RFC3: variants seen among roughly 807,000 people sequenced by gnomAD.
The protein encoded by RFC3 is replication factor C subunit 3.
A neutral mutation model predicts 45.1 loss-of-function variants in RFC3; 41 were observed. The observed-to-expected ratio is 0.91, with a 90% CI of 0.71 to 1.18. RFC3 has a LOEUF of 1.18. RFC3 is among the 50% of genes most tolerant of loss of function. The pLI is 0.00. For synonymous variants in RFC3, 149 were observed against 144.0 expected (o/e 1.03, Z -0.25); for missense variants, 423 against 428.1 (o/e 0.99, Z 0.10).
chr13:33,836,780 G>A lies in RFC3; in HGVS notation c.*485G>A, dbSNP rs2139430003. On this transcript the variant is annotated 3_prime_UTR_variant, in exon 9 of 9. Transcript: ENST00000380071. Reference sequence around the variant, plus strand: ...GATTTCATTCTGAAACATAATTATTGGTATGGACAAAATTGCAGATACCAT... The same window carrying A: ...GATTTCATTCTGAAACATAATTATTAGTATGGACAAAATTGCAGATACCAT... 3.0e-5 allele frequency: 30 copies of A among 985,642 alleles called. No homozygotes were observed. The highest frequency in any genetic ancestry group is 3.6e-5 in the Non-Finnish European group (30 of 830,046). 61.1% of individuals were successfully genotyped at this position (985,642 alleles called of 1,614,324 possible).
rs149152374 is a variant in RFC3 at position 33,920,180 on chromosome 13, A to T, written c.880-45907A>T. Reference sequence around the variant, plus strand: ...TTTTTAGCATCCTTACAGCATCCCCATGTTATGGGAAAAAAGCAATGTTCC... The same window carrying T: ...TTTTTAGCATCCTTACAGCATCCCCTTGTTATGGGAAAAAAGCAATGTTCC... On this transcript the variant is annotated intron_variant, in intron 8 of 8. Coordinates refer to the RFC3 transcript ENST00000434425. Among the ~76,000 whole-genome samples the T allele has an allele frequency of 2.1e-3, 314 of 152,224 alleles. 6 individuals are homozygous for T. The highest frequency in any genetic ancestry group is 7.2e-3 in the African/African-American group (298 of 41,558).
chr13:33,961,896 CAAAT>C (rs1441070725), intron 8 of RFC3, among the ~76,000 whole-genome samples: 1 of 152,148 alleles, frequency 6.6e-6, no homozygotes, highest in Admixed American at 6.5e-5. Flanking sequence ...ACCTGGCTGA[CAAAT>C]AAAGGCTATA....
chr13:33,850,800 A>C (rs897086874), intron 8 of RFC3: 31 of 152,208 alleles, frequency 2.0e-4, no homozygotes, highest in Admixed American at 4.6e-4. Context: ...TGTACATGAT[A>C]ATTTTAATAA....
At chr13:33,825,205 A>C (rs1340112612) in intron 3 of RFC3, among the ~76,000 whole-genome samples, 1 of 152,180 alleles carries the variant, frequency 6.6e-6, no homozygotes, top group East Asian at 1.9e-4. Context: ...ATATTGGTGT[A>C]AATGACAGCT....
At chr13:33,870,810 T>G (rs566996822) in intron 8 of RFC3, among the ~76,000 whole-genome samples, 1 of 152,386 alleles carries the variant, frequency 6.6e-6, no homozygotes, top group East Asian at 1.9e-4. Flanking sequence ...CCAGGACTTA[T>G]AAATGCATTT....
At chr13:33,859,484 A>T (rs2082327257) in intron 8 of RFC3, among the ~76,000 whole-genome samples, 1 of 152,228 alleles carries the variant, frequency 6.6e-6, no homozygotes, top group South Asian at 2.1e-4. Context: ...ATGAGTGAAG[A>T]GAACAGTATA....
intron 8 of RFC3, among the ~76,000 whole-genome samples, chr13:33,933,139 T>C (rs2082863022): frequency 1.3e-5 from 2 of 152,194 alleles, no homozygotes; most frequent in Admixed American, 6.6e-5. Context: ...CAAATGCTTA[T>C]GGCAAACAAT....
At chr13:33,971,571 G>A in the RFC3 span, among the ~76,000 whole-genome samples, 1 of 152,162 alleles carries the variant, frequency 6.6e-6, no homozygotes, top group South Asian at 2.1e-4. Flanking sequence ...CATAAGAGCA[G>A]CCATAGGCTA....
intron 8 of RFC3, among the ~76,000 whole-genome samples, chr13:33,925,210 A>G (rs1462371142): frequency 8.2e-6 from 1 of 122,584 alleles, no homozygotes; most frequent in Non-Finnish European, 1.7e-5. Context: ...ACATACACAT[A>G]TAGTGTACTA....
intron 8 of RFC3, among the ~76,000 whole-genome samples, chr13:33,930,201 T>G (rs2082842853): frequency 6.6e-6 from 1 of 152,102 alleles, no homozygotes; most frequent in South Asian, 2.1e-4. Context: ...TTAAGGAGTA[T>G]TGACTCACAT....
chr13:33,965,114 G>A (rs191713320), intron 8 of RFC3, among the ~76,000 whole-genome samples: 1 of 152,220 alleles, frequency 6.6e-6, no homozygotes, highest in Admixed American at 6.5e-5. Context: ...CTTGTTTTAA[G>A]GCATCTAGTT....
At chr13:33,835,554 A>G (rs1052535150) in intron 8 of RFC3, 8 of 472,898 alleles carry the variant, frequency 1.7e-5, no homozygotes, top group Non-Finnish European at 3.2e-5. Context: ...GTGAAGTTCC[A>G]CCCATCCGTT....
chr13:33,901,507 A>G (rs1334054733), intron 8 of RFC3, among the ~76,000 whole-genome samples: 4 of 152,060 alleles, frequency 2.6e-5, no homozygotes, highest in Non-Finnish European at 5.9e-5. Flanking sequence ...GGAGATAGAG[A>G]GTAGACTGGC....
chr13:33,830,581 T>C (rs2139407675), intron 5 of RFC3, 138 bp from the exon 6 acceptor site: 1 of 569,390 alleles, frequency 1.8e-6, no homozygotes, highest in East Asian at 3.2e-5. Flanking sequence ...TGCAGAGTGG[T>C]AAGTTACTTT....
chr13:33,902,619 C>G (rs1157762948), intron 8 of RFC3, among the ~76,000 whole-genome samples: 1 of 152,010 alleles, frequency 6.6e-6, no homozygotes, highest in Non-Finnish European at 1.5e-5. Flanking sequence ...ATCAGTTATA[C>G]TTCCCAAGTT....
chr13:33,891,550 C>T (rs919938673), intron 8 of RFC3, among the ~76,000 whole-genome samples: 5 of 152,098 alleles, frequency 3.3e-5, no homozygotes, highest in African/African-American at 1.2e-4. Context: ...AAAATCAAAT[C>T]CTTTTAAGCT....
intron 8 of RFC3, among the ~76,000 whole-genome samples, chr13:33,886,549 A>G (rs1259456431): frequency 6.6e-6 from 1 of 151,552 alleles, no homozygotes; most frequent in African/African-American, 2.4e-5. Context: ...AAGAAAAAAA[A>G]AAAAAAGAAA....
rs115441591 is a variant in RFC3 at position 33,909,777 on chromosome 13, A to G, written c.880-56310A>G. ...GTGTACCTGAGGACTTGGTAACTGC[A>G]TATGTAATGCCCCTTTGGGTGACAC... On this transcript the variant is annotated intron_variant, in intron 8 of 8. Transcript: ENST00000434425. Among the ~76,000 whole-genome samples the G allele has an allele frequency of 2.1e-3, 314 of 152,218 alleles. 5 individuals are homozygous for G. Among genetic ancestry groups the G allele is most frequent in the African/African-American group, 7.2e-3 (298 of 41,576 alleles).
At position 33,829,920 on chromosome 13, in the gene RFC3, G is replaced by C; in HGVS notation, c.476G>C (p.Cys159Ser). Residue 159 changes from cysteine to serine, a missense_variant, in exon 5 of 9, where the codon TGC (cysteine) becomes TCC (serine). By Grantham distance (112) the Cys-to-Ser change is moderately radical (BLOSUM62 -1). Transcript: ENST00000380071. ...RRTMEKYMST[C>S]RLILCCNSTS... ...ACCATGGAAAAATATATGTCTACCT[G>C]CAGATTGATCTTGTGCTGCAATTCT... 2 of 1,614,032 alleles carry C rather than the reference G, an allele frequency of 1.2e-6. No homozygotes were observed. The highest frequency in any genetic ancestry group is 1.7e-6 in the Non-Finnish European group (2 of 1,179,894).
Sources: gnomAD v4.1 joint callset for allele counts (sites outside exome capture counted in the v4.1 genomes callset) on GRCh38, gnomAD v4.1.1 for gene constraint, MANE v1.5 for transcripts, NCBI Gene and HGNC (gene_info 2026-07-23, HGNC 2026-07-21) for gene names.